Variants in PAX7 observed in about 807,000 individuals in gnomAD.
The protein encoded by PAX7 is paired box 7, also known as paired box protein Pax-7.
Under a neutral mutation model 50.7 loss-of-function variants are expected in PAX7, and 18 were observed. The observed-to-expected ratio is 0.36, with a 90% confidence interval of 0.25 to 0.53. The LOEUF (loss-of-function observed/expected upper bound fraction) is 0.53, where lower values mean the gene tolerates loss of function less well. Ranked by LOEUF, PAX7 falls within the 20% of genes least tolerant of loss-of-function variation. The pLI is 0.93. For missense variants in PAX7, 644 were observed against 702.9 expected, an observed-to-expected ratio of 0.92 and a Z score of 0.95; for synonymous variants, 310 against 290.4, an observed-to-expected ratio of 1.07 and a Z score of -0.69.
intron 4 of PAX7, among the ~76,000 whole-genome samples, chr1:18,686,058 G>T (rs1431082246): frequency 6.6e-6 from 1 of 152,214 alleles, no homozygotes; most frequent in South Asian, 2.1e-4. Context: ...AGGCTCTGCT[G>T]CTTTAACGAG....
At chr1:18,688,042 A>G (rs1047955537) in intron 4 of PAX7, among the ~76,000 whole-genome samples, 1 of 152,166 alleles carries the variant, frequency 6.6e-6, no homozygotes, top group Non-Finnish European at 1.5e-5. Flanking sequence ...CTTGAATTTT[A>G]TCTCTCAGTG....
intron 4 of PAX7, among the ~76,000 whole-genome samples, chr1:18,666,234 T>C (rs998262078): frequency 6.6e-6 from 1 of 152,242 alleles, no homozygotes; most frequent in Non-Finnish European, 1.5e-5. Flanking sequence ...TCATTCTGTT[T>C]CAAAATCATC....
Position 18,735,854 on chromosome 1 carries a change from T to C in PAX7, c.1378T>C (p.Tyr460His). 3 of 1,614,144 alleles carry C rather than the reference T, an allele frequency of 1.9e-6. No individual in the cohort carries two copies. Among genetic ancestry groups the C allele is most frequent in the Non-Finnish European group, 2.5e-6 (3 of 1,180,022 alleles). ...CTACAGCGTGGACCCCGTGGCCGGC[T>C]ATCAGTACGGCCAGTACGGCCAGAG... is the stretch of plus-strand genomic sequence containing the variant. ...TGYSVDPVAG[Y>H]QYGQYGQTAV... Residue 460 changes from tyrosine to histidine, a missense_variant, in exon 8 of 9, where the codon TAT becomes CAT. By Grantham distance (83) the Tyr-to-His change is moderately conservative. Transcript: ENST00000420770. The surrounding 1 kb of genome is among the most constrained non-coding windows in gnomAD (Gnocchi z 4.0).
At chr1:18,719,537 C>T (rs2089468548) in intron 7 of PAX7, among the ~76,000 whole-genome samples, 1 of 152,220 alleles carries the variant, frequency 6.6e-6, no homozygotes, top group Non-Finnish European at 1.5e-5. Context: ...CCAGCGGCAT[C>T]GAAGGATTAA....
chr1:18,682,969 G>A (rs1279022145), intron 4 of PAX7, among the ~76,000 whole-genome samples: 1 of 152,178 alleles, frequency 6.6e-6, no homozygotes, highest in Non-Finnish European at 1.5e-5. Flanking sequence ...GGTGGGGCAG[G>A]GCACCTGGCT....
chr1:18,696,451 G>A (rs979517125), intron 5 of PAX7, among the ~76,000 whole-genome samples: 9 of 152,120 alleles, frequency 5.9e-5, no homozygotes, highest in African/African-American at 1.7e-4. Context: ...ATGACCCTGC[G>A]GGGTATGTGT....
At chr1:18,717,475 C>T (rs2089441511) in intron 7 of PAX7, among the ~76,000 whole-genome samples, 1 of 152,218 alleles carries the variant, frequency 6.6e-6, no homozygotes, top group African/African-American at 2.4e-5. Flanking sequence ...TGCCCCTCCT[C>T]TCCTCGCTTA....
At chr1:18,673,348 A>G (rs568859089) in intron 4 of PAX7, among the ~76,000 whole-genome samples, 3 of 152,312 alleles carry the variant, frequency 2.0e-5, no homozygotes, top group African/African-American at 7.2e-5. Context: ...TGCTCTTCAG[A>G]ACTAAGAAGC....
At chr1:18,682,746 G>A (rs564300945) in intron 4 of PAX7, among the ~76,000 whole-genome samples, 61 of 152,324 alleles carry the variant, frequency 4.0e-4, no homozygotes, top group Non-Finnish European at 6.3e-4. Flanking sequence ...GTGGCCTTAA[G>A]ACATTCTCGG....
intron 5 of PAX7, among the ~76,000 whole-genome samples, chr1:18,693,903 G>A (rs937381060): frequency 5.9e-5 from 9 of 152,216 alleles, no homozygotes; most frequent in African/African-American, 2.2e-4. Context: ...AGAAACAGGT[G>A]TCACTCAAGG....
intron 4 of PAX7, among the ~76,000 whole-genome samples, chr1:18,664,323 C>T (rs1223961736): frequency 2.6e-5 from 4 of 152,252 alleles, no homozygotes; most frequent in Admixed American, 6.5e-5. Flanking sequence ...CTCCTGGCCC[C>T]TGTCAGCCTA....
chr1:18,643,507 C>G (rs1159605348), intron 4 of PAX7, among the ~76,000 whole-genome samples: 1 of 152,198 alleles, frequency 6.6e-6, no homozygotes, highest in Non-Finnish European at 1.5e-5. Flanking sequence ...GAGGGAGGCG[C>G]CGAGCAGCAG....
chr1:18,676,979 G>A (rs1365166152), intron 4 of PAX7, among the ~76,000 whole-genome samples: 1 of 152,184 alleles, frequency 6.6e-6, no homozygotes, highest in African/African-American at 2.4e-5. Flanking sequence ...AAACTTCAGG[G>A]TTTCAACCCC....
Position 18,691,804 on chromosome 1 carries a change from C to T in PAX7, c.637C>T (p.Leu213=), listed in dbSNP as rs769511200. 2 of 1,608,824 alleles carry T rather than the reference C, an allele frequency of 1.2e-6. No individual in the cohort carries two copies. Among genetic ancestry groups the T allele is most frequent in the Non-Finnish European group, 1.7e-6 (2 of 1,177,850 alleles). The change falls in exon 5 of 9, where the codon CTG becomes TTG. Residue 213 remains leucine (L), a synonymous_variant. Coordinates refer to ENST00000420770, the MANE Select transcript of PAX7 (RefSeq NM_001135254.2). ...SDVESEPDLP[L]KRKQRRSRTT... ...TGTGGAGTCGGAACCTGACCTCCCA[C>T]TGAAGCGCAAGCAGCGACGCAGTCG...
chr1:18,633,918 C>T (rs1202046222), intron 1 of PAX7, among the ~76,000 whole-genome samples: 1 of 152,212 alleles, frequency 6.6e-6, no homozygotes, highest in East Asian at 1.9e-4. Context: ...AGTCATTGGT[C>T]CCAAGATCTC....
At chr1:18,689,093 C>T (rs974171155) in intron 4 of PAX7, among the ~76,000 whole-genome samples, 3 of 152,050 alleles carry the variant, frequency 2.0e-5, no homozygotes, top group Non-Finnish European at 4.4e-5. Context: ...CTCTAGTCCC[C>T]ATCCGCCTCA....
intron 6 of PAX7, among the ~76,000 whole-genome samples, chr1:18,701,193 G>C (rs1396099349): frequency 2.6e-5 from 4 of 152,348 alleles, no homozygotes; most frequent in African/African-American, 9.6e-5. Context: ...ATTTGGAGGA[G>C]AGGACACTGG....
intron 8 of PAX7, among the ~76,000 whole-genome samples, chr1:18,739,291 C>T (rs191917409): frequency 3.9e-5 from 6 of 152,364 alleles, no homozygotes; most frequent in African/African-American, 1.2e-4. Flanking sequence ...AGCAGCGATA[C>T]ACACCTGAGC....
chr1:18,743,815 A>G (rs1931281949), intron 8 of PAX7, among the ~76,000 whole-genome samples: 1 of 152,250 alleles, frequency 6.6e-6, no homozygotes, highest in Admixed American at 6.5e-5. Flanking sequence ...ACTCACCTGT[A>G]CACAGTGCCT....
Sources: gnomAD v4.1 joint callset for allele counts (sites outside exome capture counted in the v4.1 genomes callset) on GRCh38, gnomAD v4.1.1 for gene constraint, Gnocchi (gnomAD v3.1) non-coding constraint, MANE v1.5 for transcripts, NCBI Gene and HGNC (gene_info 2026-07-23, HGNC 2026-07-21) for gene names.